INHBE: variants seen among roughly 807,000 people sequenced by gnomAD.
INHBE encodes inhibin subunit beta E.
A neutral mutation model predicts 27.8 loss-of-function variants in INHBE; 19 were observed. That is an observed-to-expected ratio of 0.68 (90% CI 0.48 to 1.00). The LOEUF (loss-of-function observed/expected upper bound fraction) is 1.00, where lower values mean the gene tolerates loss of function less well. Ranked by LOEUF, INHBE falls within the 50% of genes least tolerant of loss-of-function variation. The pLI is 0.00. For missense variants in INHBE, 398 were observed against 433.9 expected, an observed-to-expected ratio of 0.92 and a Z score of 0.73; for synonymous variants, 196 against 187.2, an observed-to-expected ratio of 1.05 and a Z score of -0.38.
rs1870864343 is a variant in INHBE, at chr12:57,457,488, G to C, written c.*640G>C. On this transcript the variant is annotated 3_prime_UTR_variant, in exon 2 of 2. Transcript: ENST00000266646. Reference sequence around the variant, plus strand: ...TTTTTTTGAGATCGAGTCTCGCTCTGTCACCAGGCTGGAGTGCAGTGACAC... The same window carrying C: ...TTTTTTTGAGATCGAGTCTCGCTCTCTCACCAGGCTGGAGTGCAGTGACAC... 1 of 152,166 alleles carries C rather than the reference G, an allele frequency of 6.6e-6. No homozygotes were observed. The highest frequency in any genetic ancestry group is 1.5e-5 in the Non-Finnish European group (1 of 68,086). The allele number at this position is 152,166 out of a possible 1,614,324, so 9.4% of individuals were successfully genotyped here.
chr12:57,455,588 C>A lies in INHBE; in HGVS notation c.52C>A (p.Arg18=). The A allele has an allele frequency of 1.2e-6, 2 of 1,613,722 alleles. No homozygotes were observed. Among genetic ancestry groups the A allele is most frequent in the East Asian group, 2.2e-5 (1 of 44,880 alleles). Residue 18 remains arginine, a synonymous_variant, in exon 1 of 2, where the codon CGA becomes AGA. Transcript: ENST00000266646. ...GCTGGTGCTGCTGTGGGCACTGGTG[C>A]GAGCACAGGGGACAGGGTCTGTGTG... ...LWLVLLWALV[R]AQGTGSVCPS... is the part of the protein sequence containing the mutation.
Position 57,456,488 on chromosome 12 carries a change from C to T in INHBE, c.693C>T (p.Gly231=), listed in dbSNP as rs1424731814. 6.2e-7 allele frequency: 1 copy of T among 1,614,022 alleles called. No homozygotes were observed. The highest frequency in any genetic ancestry group is 1.1e-5 in the South Asian group (1 of 91,082). ...LKIRANEPGA[G]RARRRTPTCE... ...TCCGAGCCAATGAGCCTGGAGCAGG[C>T]CGGGCCAGGAGGAGGACCCCCACCT... Residue 231 remains glycine (G), a synonymous_variant, in exon 2 of 2, where the codon GGC becomes GGT. Transcript: ENST00000266646.
rs199512482 is a variant in INHBE, at chr12:57,456,097, C to G, written c.302C>G (p.Ser101Cys). Reference sequence around the variant, plus strand: ...CCCTTTTCTGTCTTTCGGGCAGACTCCACTTCAGCCTACAGCTCCCTGCTC... The same window carrying G: ...CCCTTTTCTGTCTTTCGGGCAGACTGCACTTCAGCCTACAGCTCCCTGCTC... Reference protein sequence around the residue: ...EVISFATVTDSTSAYSSLLTF... With the variant: ...EVISFATVTDCTSAYSSLLTF... Residue 101 changes from serine (S) to cysteine (C), a missense_variant, in exon 2 of 2, where the codon TCC (serine) becomes TGC (cysteine). By Grantham distance (112) the Ser-to-Cys change is moderately radical (BLOSUM62 -1). Transcript: ENST00000266646. 3.1e-6 allele frequency: 5 copies of G among 1,606,284 alleles called. No individual in the cohort carries two copies. Among genetic ancestry groups the G allele is most frequent in the Non-Finnish European group, 4.3e-6 (5 of 1,174,902 alleles).
At chr12:57,455,982 CT>C (rs1870818954) in intron 1 of INHBE, 111 bp from the exon 2 acceptor site, 5 of 1,422,792 alleles carry the variant, frequency 3.5e-6, no homozygotes, top group Non-Finnish European at 4.8e-6. Context: ...AAAGCAGTCT[CT>C]ACTTTTCTAG....
Position 57,456,435 on chromosome 12 carries a change from C to A in INHBE, c.640C>A (p.His214Asn). ...GAGGCGGCTCTTGGACACAGCAGGACACCAGCAGCCCTTCCTAGAGCTTAA... is the reference window on the plus strand; with the variant it reads ...GAGGCGGCTCTTGGACACAGCAGGAAACCAGCAGCCCTTCCTAGAGCTTAA... ...QPRRLLDTAG[H>N]QQPFLELKIR... Residue 214 changes from histidine to asparagine, a missense_variant, in exon 2 of 2, where the codon CAC becomes AAC. His to Asn is a moderately conservative substitution (Grantham distance 68, BLOSUM62 1). Coordinates refer to ENST00000266646, the MANE Select transcript of INHBE (RefSeq NM_031479.5). 2 of 1,614,106 alleles carry A rather than the reference C, an allele frequency of 1.2e-6. No individual in the cohort carries two copies. The highest frequency in any genetic ancestry group is 2.7e-5 in the African/African-American group (2 of 75,040).
In INHBE at chr12:57,456,909, T is replaced by A. The variant is rs1870851248; in HGVS notation, c.*61T>A. 6.6e-7 allele frequency: 1 copy of A among 1,512,198 alleles called. No homozygotes were observed. Among genetic ancestry groups the A allele is most frequent in the South Asian group, 1.2e-5 (1 of 80,208 alleles). 93.7% of individuals were successfully genotyped at this position (1,512,198 alleles called of 1,614,324 possible). On this transcript the variant is annotated 3_prime_UTR_variant, in exon 2 of 2. Coordinates refer to ENST00000266646, the MANE Select transcript of INHBE (RefSeq NM_031479.5). ...GATGAAGTTTCCCAGGCACAGGGCA[T>A]CTGTGACTGGAGGCATCAGATTCCT...
rs150270349 is a variant in INHBE, at chr12:57,456,415, G to A, written c.620G>A (p.Arg207Gln). 1.5e-4 allele frequency: 248 copies of A among 1,614,156 alleles called. 1 individual carries two copies. The African/African-American group carries it at 1.6e-3, about 10-fold the overall frequency. The change falls in exon 2 of 2, where the codon CGG (arginine) becomes CAG (glutamine). Residue 207 changes from arginine to glutamine, a missense_variant. Physicochemically the swap from Arg to Gln is conservative, Grantham distance 43 (BLOSUM62 1). Coordinates refer to ENST00000266646, the MANE Select transcript of INHBE (RefSeq NM_031479.5). ...AGCACAGTTACTGGACAACCGAGGC[G>A]GCTCTTGGACACAGCAGGACACCAG... The part of the protein sequence containing the change: ...GNSTVTGQPR[R>Q]LLDTAGHQQP...
chr12:57,456,504 A>AC lies in INHBE; in HGVS notation c.714dup (p.Thr239HisfsTer3), dbSNP rs1170691073. 1 of 1,613,650 alleles carries AC rather than the reference A, an allele frequency of 6.2e-7. No homozygotes were observed. Among genetic ancestry groups the AC allele is most frequent in the South Asian group, 1.1e-5 (1 of 91,040 alleles). Reference sequence around the variant, plus strand: ...TGGAGCAGGCCGGGCCAGGAGGAGGACCCCCACCTGTGAGCCTGCGACCCC... The same window carrying AC: ...TGGAGCAGGCCGGGCCAGGAGGAGGACCCCCCACCTGTGAGCCTGCGACCCC... On this transcript the variant is annotated frameshift_variant, in exon 2 of 2. Coordinates refer to ENST00000266646, the MANE Select transcript of INHBE (RefSeq NM_031479.5). LOFTEE classifies it high-confidence loss of function.
Position 57,457,121 on chromosome 12 carries a change from GAGA to G in INHBE, c.*277_*279del. ...CATGATTTCCTGCCCTAAGTCCTGT[GAGA>G]AGATGTCAGGGACTAGGGAGGGAGG... On this transcript the variant is annotated 3_prime_UTR_variant, in exon 2 of 2. Coordinates refer to ENST00000266646, the MANE Select transcript of INHBE (RefSeq NM_031479.5). 1 of 273,160 alleles carries G rather than the reference GAGA, an allele frequency of 3.7e-6. No homozygotes were observed. The highest frequency in any genetic ancestry group is 4.8e-5 in the South Asian group (1 of 20,794). 16.9% of individuals were successfully genotyped at this position (273,160 alleles called of 1,614,324 possible).
In INHBE at chr12:57,456,749, TGCCCGAAGG is replaced by T; in HGVS notation, c.955_963del (p.Ala319_Arg321del). 6.2e-7 allele frequency: 1 copy of T among 1,614,240 alleles called. No homozygotes were observed. The highest frequency in any genetic ancestry group is 8.5e-7 in the Non-Finnish European group (1 of 1,180,044). ...CCAGTACCTCCTGTTGTGTCCCTAC[TGCCCGAAGG>T]CCCCTCTCTCTCCTCTACCTGGATC... is the stretch of plus-strand genomic sequence containing the variant. On this transcript the variant is annotated inframe_deletion, in exon 2 of 2. Coordinates refer to ENST00000266646, the MANE Select transcript of INHBE (RefSeq NM_031479.5).
chr12:57,456,604 G>T lies in INHBE; in HGVS notation c.809G>T (p.Gly270Val). ...GWRDWILQPE[G>V]YQLNYCSGQC... ...CGGGACTGGATACTGCAGCCCGAGG[G>T]GTACCAGCTGAATTACTGCAGTGGG... Residue 270 changes from glycine to valine, a missense_variant, in exon 2 of 2, where the codon GGG (glycine) becomes GTG (valine). Gly to Val is a moderately radical substitution (Grantham distance 109). Coordinates refer to ENST00000266646, the MANE Select transcript of INHBE (RefSeq NM_031479.5). The T allele has an allele frequency of 1.2e-6, 2 of 1,614,150 alleles. No individual in the cohort carries two copies. The highest frequency in any genetic ancestry group is 1.7e-6 in the Non-Finnish European group (2 of 1,180,016).
In INHBE at chr12:57,456,173, G is replaced by C; in HGVS notation, c.378G>C (p.Leu126=). 6.2e-7 allele frequency: 1 copy of C among 1,614,144 alleles called. No homozygotes were observed. The highest frequency in any genetic ancestry group is 1.1e-5 in the South Asian group (1 of 91,074). Residue 126 remains leucine, a synonymous_variant, in exon 2 of 2, where the codon CTG becomes CTC. Coordinates refer to ENST00000266646, the MANE Select transcript of INHBE (RefSeq NM_031479.5). ...PRSHHLYHAR[L]WLHVLPTLPG... ...CCCACCACCTGTACCATGCCCGCCT[G>C]TGGCTGCACGTGCTCCCCACCCTTC...
At position 57,456,328 on chromosome 12, in the gene INHBE, T is replaced by C; in HGVS notation, c.533T>C (p.Leu178Ser). ...ACCTTAACTCTGCCCTCTAGTGGCTTGAGGGGTGAGAAGTCTGGTGTCCTG... is the reference window on the plus strand; with the variant it reads ...ACCTTAACTCTGCCCTCTAGTGGCTCGAGGGGTGAGAAGTCTGGTGTCCTG... Reference protein sequence around the residue: ...WHTLTLPSSGLRGEKSGVLKL... With the variant: ...WHTLTLPSSGSRGEKSGVLKL... Residue 178 changes from leucine (L) to serine (S), a missense_variant, in exon 2 of 2, where the codon TTG becomes TCG. Coordinates refer to ENST00000266646, the MANE Select transcript of INHBE (RefSeq NM_031479.5). 6.2e-7 allele frequency: 1 copy of C among 1,614,096 alleles called. No individual in the cohort carries two copies.
rs762481508 is a variant in INHBE, at chr12:57,456,595, AG to A, written c.801del (p.Gln267HisfsTer7). ...QELGWRDWILQPEGYQLNYCS... is the reference protein window; with the variant it reads ...QELGWRDWILXPEGYQLNYCS... ...CTGGGATGGCGGGACTGGATACTGC[AG>A]CCCGAGGGGTACCAGCTGAATTACT... On this transcript the variant is annotated frameshift_variant, in exon 2 of 2. Coordinates refer to ENST00000266646, the MANE Select transcript of INHBE (RefSeq NM_031479.5). LOFTEE classifies it high-confidence loss of function. The A allele has an allele frequency of 1.2e-6, 2 of 1,614,034 alleles. No individual in the cohort carries two copies. Among genetic ancestry groups the A allele is most frequent in the African/African-American group, 2.7e-5 (2 of 74,924 alleles).
In INHBE at chr12:57,455,621, T is replaced by C. The variant is rs771457398; in HGVS notation, c.85T>C (p.Cys29Arg). ...AQGTGSVCPS[C>R]GGSKLAPQAE... ...GGGGACAGGGTCTGTGTGTCCCTCC[T>C]GTGGGGGCTCCAAACTGGCACCCCA... Residue 29 changes from cysteine to arginine, a missense_variant, in exon 1 of 2, where the codon TGT (cysteine) becomes CGT (arginine). Transcript: ENST00000266646. The C allele has an allele frequency of 6.2e-7, 1 of 1,614,066 alleles. No homozygotes were observed. The highest frequency in any genetic ancestry group is 8.5e-7 in the Non-Finnish European group (1 of 1,179,986).
chr12:57,458,013 A>C lies in INHBE; in HGVS notation c.*1165A>C, dbSNP rs1361486809. On this transcript the variant is annotated 3_prime_UTR_variant, in exon 2 of 2. Transcript: ENST00000266646. ...TCTTTCTGACATCATTGTTAATGGAATGTGTGCTTGTATGGTCTTGTGTTA... is the reference window on the plus strand; with the variant it reads ...TCTTTCTGACATCATTGTTAATGGACTGTGTGCTTGTATGGTCTTGTGTTA... The C allele has an allele frequency of 6.6e-6, 1 of 152,172 alleles. No homozygotes were observed. Among genetic ancestry groups the C allele is most frequent in the Non-Finnish European group, 1.5e-5 (1 of 68,040 alleles). The allele number at this position is 152,172 out of a possible 1,614,324, so 9.4% of individuals were successfully genotyped here.
At position 57,456,637 on chromosome 12, in the gene INHBE, C is replaced by G; in HGVS notation, c.842C>G (p.Pro281Arg). 1 of 1,614,172 alleles carries G rather than the reference C, an allele frequency of 6.2e-7. No homozygotes were observed. The highest frequency in any genetic ancestry group is 8.5e-7 in the Non-Finnish European group (1 of 1,180,030). Reference sequence around the variant, plus strand: ...CTGAATTACTGCAGTGGGCAGTGCCCTCCCCACCTGGCTGGCAGCCCAGGC... The same window carrying G: ...CTGAATTACTGCAGTGGGCAGTGCCGTCCCCACCTGGCTGGCAGCCCAGGC... ...YQLNYCSGQCPPHLAGSPGIA... is the reference protein window; with the variant it reads ...YQLNYCSGQCRPHLAGSPGIA... The change falls in exon 2 of 2, where the codon CCT becomes CGT. Residue 281 changes from proline (P) to arginine (R), a missense_variant. Transcript: ENST00000266646.
At chr12:57,456,051 A>G (rs1870820508) in intron 1 of INHBE, 43 bp from the exon 2 acceptor site, 3 of 1,567,622 alleles carry the variant, frequency 1.9e-6, no homozygotes, top group East Asian at 2.2e-5. Context: ...GGAGAGCTTC[A>G]TCTCTACTCA....
At position 57,457,201 on chromosome 12, in the gene INHBE, C is replaced by T. The variant is rs1371024793; in HGVS notation, c.*353C>T. ...GCCTCTCCCAAGATGAGAAAGTCCT[C>T]AAGTGAGGGGAGGAGGAAGCAGATA... On this transcript the variant is annotated 3_prime_UTR_variant, in exon 2 of 2. Transcript: ENST00000266646. 4 of 236,286 alleles carry T rather than the reference C, an allele frequency of 1.7e-5. No homozygotes were observed. The Admixed American group carries it at 2.0e-4, about 12-fold the overall frequency. 14.6% of individuals were successfully genotyped at this position (236,286 alleles called of 1,614,324 possible). A position where few individuals can be genotyped will look rare whatever the true frequency, so the allele number is the denominator to read the frequency against.
Sources: gnomAD v4.1 joint callset for allele counts on GRCh38, gnomAD v4.1.1 for gene constraint, MANE v1.5 for transcripts, NCBI Gene and HGNC (gene_info 2026-07-23, HGNC 2026-07-21) for gene names.